Variants in OBP2B observed in about 807,000 individuals in gnomAD.
The protein encoded by OBP2B is odorant binding protein 2B.
A neutral mutation model predicts 21.7 loss-of-function variants in OBP2B; 10 were observed. That is an observed-to-expected ratio of 0.46 (90% CI 0.28 to 0.78). The LOEUF (loss-of-function observed/expected upper bound fraction) is 0.78. Among genes scored for constraint, OBP2B ranks in the 30% least tolerant of loss-of-function variants. OBP2B has a pLI of 0.11. For synonymous variants in OBP2B, 73 were observed against 91.5 expected (o/e 0.80, Z 1.16); for missense variants, 153 against 217.7 (o/e 0.70, Z 1.87).
In OBP2B at chr9:133,208,158, C is replaced by T. The variant is rs201697602; in HGVS notation, c.252G>A (p.Thr84=). Residue 84 remains threonine, a synonymous_variant, in exon 3 of 7, where the codon ACG becomes ACA. Coordinates refer to ENST00000372034, the MANE Select transcript of OBP2B (RefSeq NM_014581.4). Reference sequence around the variant, plus strand: ...AGGCGCTGTATTTGCCAGGCTCCTCCGTCTTCCGCATCAGGATTTTCTTCT... The same window carrying T: ...AGGCGCTGTATTTGCCAGGCTCCTCTGTCTTCCGCATCAGGATTTTCTTCT... ...CIQKKILMRK[T]EEPGKYSAYG... is the part of the protein sequence containing the mutation. The T allele has an allele frequency of 2.4e-5, 39 of 1,611,616 alleles. No individual in the cohort carries two copies. Among genetic ancestry groups the T allele is most frequent in the East Asian group, 4.5e-5 (2 of 44,864 alleles).
intron 3 of OBP2B, chr9:133,207,692 C>T: frequency 1.9e-6 from 1 of 520,484 alleles, no homozygotes. Flanking sequence ...CCATCCCTAA[C>T]CCTCGGCCTC....
At chr9:133,222,470 G>GT in the OBP2B span, among the ~76,000 whole-genome samples, 1 of 152,196 alleles carries the variant, frequency 6.6e-6, no homozygotes, top group African/African-American at 2.4e-5. Context: ...GCTCACATCC[G>GT]TAATCCCAGC....
At chr9:133,219,109 C>T in the OBP2B span, among the ~76,000 whole-genome samples, 1 of 152,204 alleles carries the variant, frequency 6.6e-6, no homozygotes, top group Admixed American at 6.5e-5. Context: ...GACCTCACGC[C>T]ACACACAAGC....
At chr9:133,222,036 CA>C in the OBP2B span, among the ~76,000 whole-genome samples, 2 of 152,190 alleles carry the variant, frequency 1.3e-5, no homozygotes, top group Non-Finnish European at 2.9e-5. Context: ...TACCCCGAGG[CA>C]GTTGTGTAGG....
rs575933005 is a variant in OBP2B, at chr9:133,206,757, G to C, written c.389-341C>G. 5.9e-5 allele frequency among the ~76,000 whole-genome samples: 9 copies of C among 151,986 alleles called. No individual in the cohort carries two copies. In the South Asian group the frequency reaches 1.9e-3, roughly 32 times the overall value. On this transcript the variant is annotated intron_variant, in intron 4 of 6. Transcript: ENST00000372034. ...GAGGAGACAGTCACTGCCCAGATGAGAGGTCCCCAGGAAGGGGGACAGTGG... is the reference window on the plus strand; with the variant it reads ...GAGGAGACAGTCACTGCCCAGATGACAGGTCCCCAGGAAGGGGGACAGTGG...
upstream of OBP2B, among the ~76,000 whole-genome samples, chr9:133,212,234 A>G (rs1224949711): frequency 6.6e-6 from 1 of 152,246 alleles, no homozygotes; most frequent in Non-Finnish European, 1.5e-5. Flanking sequence ...AGCCACAATT[A>G]TAGTTGGAGA....
At chr9:133,216,770 C>T in the OBP2B span, among the ~76,000 whole-genome samples, 1 of 151,942 alleles carries the variant, frequency 6.6e-6, no homozygotes, top group Non-Finnish European at 1.5e-5. Flanking sequence ...GCCAATCCCA[C>T]AATTTTATGA....
upstream of OBP2B, among the ~76,000 whole-genome samples, chr9:133,213,401 G>A (rs1833939744): frequency 6.6e-6 from 1 of 152,000 alleles, no homozygotes; most frequent in Non-Finnish European, 1.5e-5. Context: ...CCCAAAGCAA[G>A]AAGAAAAGAA....
chr9:133,206,651 G>A (rs782101907), intron 4 of OBP2B, among the ~76,000 whole-genome samples: 8 of 151,548 alleles, frequency 5.3e-5, no homozygotes, highest in Admixed American at 1.3e-4. Context: ...GGGGACAGAA[G>A]AGATGGCCAT....
upstream of OBP2B, among the ~76,000 whole-genome samples, chr9:133,212,891 G>A (rs549338449): frequency 6.6e-6 from 1 of 152,094 alleles, no homozygotes; most frequent in African/African-American, 2.4e-5. Context: ...TCATGCCACT[G>A]CACTCCAGCC....
Position 133,208,456 on chromosome 9 carries a change from G to A in OBP2B, c.206+13C>T. On this transcript the variant is annotated intron_variant, in intron 2 of 6. Transcript: ENST00000372034. ...AAAGTGGCCTGAGGGGCCCTGCAGT[G>A]GGCAACACTCACATGAAGGTGAACG... 8 of 1,612,558 alleles carry A rather than the reference G, an allele frequency of 5.0e-6. No individual in the cohort carries two copies. The highest frequency in any genetic ancestry group is 5.9e-6 in the Non-Finnish European group (7 of 1,179,044).
At chr9:133,221,581 A>G in the OBP2B span, among the ~76,000 whole-genome samples, 1 of 152,284 alleles carries the variant, frequency 6.6e-6, no homozygotes, top group East Asian at 1.9e-4. Context: ...TTCAGGGAGA[A>G]TGGGGCGGGG....
upstream of OBP2B, among the ~76,000 whole-genome samples, chr9:133,210,558 G>T (rs1833896048): frequency 6.6e-6 from 1 of 152,130 alleles, no homozygotes; most frequent in African/African-American, 2.4e-5. Flanking sequence ...TCTGTTCTCT[G>T]TGTTTGTTGA....
At chr9:133,211,319 T>G (rs1316071051), upstream of OBP2B, among the ~76,000 whole-genome samples, 2 of 152,226 alleles carry the variant, frequency 1.3e-5, no homozygotes, top group Non-Finnish European at 2.9e-5. Flanking sequence ...TCAGAGACGG[T>G]GGCTGGCCAC....
the OBP2B span, among the ~76,000 whole-genome samples, chr9:133,218,390 T>C: frequency 6.6e-6 from 1 of 152,230 alleles, no homozygotes; most frequent in Admixed American, 6.5e-5. Flanking sequence ...TGGAGAGCTC[T>C]GACAAAGGCA....
chr9:133,212,824 G>A (rs1442900081), upstream of OBP2B, among the ~76,000 whole-genome samples: 4 of 151,948 alleles, frequency 2.6e-5, no homozygotes, highest in East Asian at 1.9e-4. Context: ...CCAGCTAATC[G>A]GGAGGCTGAG....
chr9:133,205,291 A>T lies in OBP2B; in HGVS notation c.*122T>A, dbSNP rs3178143. On this transcript the variant is annotated 3_prime_UTR_variant, in exon 7 of 7. Coordinates refer to ENST00000372034, the MANE Select transcript of OBP2B (RefSeq NM_014581.4). ...GCCTGCCCAGAGCTGGGGGAGAAGG[A>T]CTTTATTTGGAGTCAGGTGGGTGGG... The T allele has an allele frequency of 3.0e-3, 4,450 of 1,477,872 alleles. 15 individuals carry two copies. The highest frequency in any genetic ancestry group is 4.6e-3 in the South Asian group (363 of 78,190). The allele number at this position is 1,477,872 out of a possible 1,614,324, so 91.5% of individuals were successfully genotyped here.
intron 3 of OBP2B, chr9:133,207,896 G>C (rs1436754604): frequency 6.5e-7 from 1 of 1,530,960 alleles, no homozygotes; most frequent in Admixed American, 2.0e-5. Context: ...CAATGGCTAG[G>C]GCCTCCCAGA....
In OBP2B at chr9:133,205,298, T is replaced by A; in HGVS notation, c.*115A>T. The A allele has an allele frequency of 6.7e-7, 1 of 1,489,418 alleles. No individual in the cohort carries two copies. 92.3% of individuals were successfully genotyped at this position (1,489,418 alleles called of 1,614,324 possible). A position where few individuals can be genotyped will look rare whatever the true frequency, so the allele number is the denominator to read the frequency against. On this transcript the variant is annotated 3_prime_UTR_variant, in exon 7 of 7. Coordinates refer to ENST00000372034, the MANE Select transcript of OBP2B (RefSeq NM_014581.4). ...CAGAGCTGGGGGAGAAGGACTTTAT[T>A]TGGAGTCAGGTGGGTGGGAGCAGGG... is the stretch of plus-strand genomic sequence containing the variant.
Sources: gnomAD v4.1 joint callset for allele counts (sites outside exome capture counted in the v4.1 genomes callset) on GRCh38, gnomAD v4.1.1 for gene constraint, MANE v1.5 for transcripts, NCBI Gene and HGNC (gene_info 2026-07-23, HGNC 2026-07-21) for gene names.